Variants in LRRIQ1 observed in about 807,000 individuals in gnomAD.
LRRIQ1 encodes the protein leucine-rich repeat- and IQ domain-containing protein 1.
In LRRIQ1, 210 loss-of-function variants were observed where a neutral mutation model predicts 211.9. The ratio of observed to expected loss-of-function variants is 0.99; its 90% CI spans 0.89 to 1.11. The LOEUF (loss-of-function observed/expected upper bound fraction) is 1.11. Ranked by LOEUF, LRRIQ1 falls within the 50% of genes most tolerant of loss-of-function variation. The pLI, the probability that LRRIQ1 is intolerant of heterozygous loss-of-function variation, is 0.00. For synonymous variants in LRRIQ1, 699 were observed against 650.1 expected, an observed-to-expected ratio of 1.08 and a Z score of -1.14; for missense variants, 2,136 against 1,939.5, an observed-to-expected ratio of 1.10 and a Z score of -1.90.
At chr12:85,042,432 AATTATT>A (rs1480678032) in intron 3 of LRRIQ1, among the ~76,000 whole-genome samples, 1 of 148,258 alleles carries the variant, frequency 6.7e-6, no homozygotes, top group African/African-American at 2.4e-5. Flanking sequence ...AAATTATTAA[AATTATT>A]TTAATTTATT....
At chr12:85,213,687 C>G (rs942057386) in intron 24 of LRRIQ1, among the ~76,000 whole-genome samples, 12 of 151,750 alleles carry the variant, frequency 7.9e-5, no homozygotes, top group African/African-American at 2.9e-4. Context: ...ACCAATGTAA[C>G]TAGAAAATCA....
intron 11 of LRRIQ1, among the ~76,000 whole-genome samples, chr12:85,073,645 G>GTAT (rs1883334209): frequency 6.6e-6 from 1 of 152,046 alleles, no homozygotes; most frequent in African/African-American, 2.4e-5. Flanking sequence ...AACTGCCATA[G>GTAT]TATTAATTGA....
At chr12:85,191,972 T>G (rs2136942755) in intron 24 of LRRIQ1, among the ~76,000 whole-genome samples, 2 of 152,086 alleles carry the variant, frequency 1.3e-5, no homozygotes, top group East Asian at 3.9e-4. Flanking sequence ...GTTGTTCGTT[T>G]TCTAATTGTT....
downstream of LRRIQ1, among the ~76,000 whole-genome samples, chr12:85,246,364 TAATA>T (rs1436351264): frequency 6.6e-6 from 1 of 151,304 alleles, no homozygotes; most frequent in Non-Finnish European, 1.5e-5. Context: ...CAATATATAT[TAATA>T]AATAATGATA....
intron 15 of LRRIQ1, among the ~76,000 whole-genome samples, chr12:85,109,059 G>A (rs1886983406): frequency 6.6e-6 from 1 of 152,114 alleles, no homozygotes; most frequent in Non-Finnish European, 1.5e-5. Context: ...TGCAAGGTGT[G>A]GCCATGTCCA....
At chr12:85,065,983 G>T (rs1882386817) in intron 9 of LRRIQ1, among the ~76,000 whole-genome samples, 2 of 151,886 alleles carry the variant, frequency 1.3e-5, no homozygotes, top group South Asian at 4.1e-4. Flanking sequence ...AAGACATGCT[G>T]CAGTATGCAA....
chr12:85,193,408 AG>A (rs1156994066), intron 24 of LRRIQ1, among the ~76,000 whole-genome samples: 1 of 133,302 alleles, frequency 7.5e-6, no homozygotes, highest in Non-Finnish European at 1.6e-5. Flanking sequence ...AAAAATGTTA[AG>A]GGCAGCCAGA....
intron 6 of LRRIQ1, chr12:85,047,986 G>A (rs1879836128): frequency 6.9e-6 from 1 of 145,150 alleles, no homozygotes; most frequent in Non-Finnish European, 1.5e-5. Context: ...TGTTGTTGGT[G>A]TTGTTTTCCC....
At chr12:85,262,886 G>GA in intron 1 of LRRIQ1, 1 of 950,418 alleles carries the variant, frequency 1.1e-6, no homozygotes, top group Non-Finnish European at 1.3e-6. Context: ...CATATTCAGT[G>GA]AAAGTGTATA....
intron 24 of LRRIQ1, among the ~76,000 whole-genome samples, chr12:85,216,040 G>A (rs1352541934): frequency 1.3e-5 from 2 of 152,044 alleles, no homozygotes; most frequent in African/African-American, 2.4e-5. Flanking sequence ...TTGTAATTTT[G>A]CTTTAAGTTC....
At chr12:85,138,706 A>C (rs1353564960) in intron 19 of LRRIQ1, among the ~76,000 whole-genome samples, 6 of 151,502 alleles carry the variant, frequency 4.0e-5, no homozygotes, top group African/African-American at 1.2e-4. Flanking sequence ...TAAAACAGAA[A>C]TTTTTAAATG....
At chr12:85,179,477 T>C (rs1282608220) in intron 24 of LRRIQ1, among the ~76,000 whole-genome samples, 3 of 152,012 alleles carry the variant, frequency 2.0e-5, no homozygotes, top group African/African-American at 7.2e-5. Context: ...GTGATTATAA[T>C]ATTCTGTGAT....
chr12:85,158,310 T>C (rs538306183), intron 23 of LRRIQ1, among the ~76,000 whole-genome samples: 1 of 151,732 alleles, frequency 6.6e-6, no homozygotes, highest in Non-Finnish European at 1.5e-5. Flanking sequence ...GTCATGTAAA[T>C]ATATGCTTAT....
intron 24 of LRRIQ1, among the ~76,000 whole-genome samples, chr12:85,208,727 C>T (rs144464143): frequency 2.6e-5 from 4 of 152,166 alleles, no homozygotes; most frequent in African/African-American, 9.6e-5. Context: ...ATTAGAACTA[C>T]GGACCAACAA....
In LRRIQ1 at chr12:85,206,403, G is replaced by T. The variant is rs931646595; in HGVS notation, c.4823-23114G>T. Among the ~76,000 whole-genome samples the T allele has an allele frequency of 6.6e-5, 10 of 152,192 alleles. No homozygotes were observed. The South Asian group carries it at 8.3e-4, about 13-fold the overall frequency. On this transcript the variant is annotated intron_variant, in intron 24 of 26. Coordinates refer to ENST00000393217, the MANE Select transcript of LRRIQ1 (RefSeq NM_001079910.2). ...TGAGAGTGCAGGGATATGGGGCAGG[G>T]CCACTGGTGTCTGTGTTTGTTTTTG...
chr12:85,267,983 A>G (rs1414959345), downstream of LRRIQ1, among the ~76,000 whole-genome samples: 4 of 151,938 alleles, frequency 2.6e-5, no homozygotes, highest in Admixed American at 6.6e-5. Context: ...CTGGCCTAAT[A>G]TCTTGATTTT....
intron 18 of LRRIQ1, among the ~76,000 whole-genome samples, chr12:85,129,427 T>G (rs2136482078): frequency 6.6e-6 from 1 of 152,342 alleles, no homozygotes; most frequent in South Asian, 2.1e-4. Flanking sequence ...TACAAAAATC[T>G]TTGTAGCTTA....
chr12:85,156,556 A>G (rs1272247121), intron 23 of LRRIQ1, among the ~76,000 whole-genome samples: 1 of 138,192 alleles, frequency 7.2e-6, no homozygotes, highest in African/African-American at 2.7e-5. Flanking sequence ...TTATAATTCA[A>G]TCGATCTGTG....
chr12:85,174,187 T>A (rs1040017024), intron 24 of LRRIQ1, among the ~76,000 whole-genome samples: 2 of 151,758 alleles, frequency 1.3e-5, no homozygotes, highest in Non-Finnish European at 2.9e-5. Flanking sequence ...TAAAAAAGGG[T>A]ATGCCCATGA....
Sources: allele counts gnomAD v4.1 joint callset (sites outside exome capture counted in the v4.1 genomes callset), GRCh38; gene constraint gnomAD v4.1.1; transcripts MANE v1.5; gene names NCBI Gene and HGNC (gene_info 2026-07-23, HGNC 2026-07-21).